The following ERFL variants were observed in gnomAD, a reference collection of about 807,000 sequenced individuals.
ERFL encodes the protein ETS domain-containing transcription factor ERF-like.
Under a neutral mutation model 27.9 loss-of-function variants are expected in ERFL, and 8 were observed. That is an observed-to-expected ratio of 0.29 (90% confidence interval 0.17 to 0.52). The LOEUF (loss-of-function observed/expected upper bound fraction) is 0.52, where lower values mean the gene tolerates loss of function less well. Ranked by LOEUF, ERFL falls within the 20% of genes least tolerant of loss-of-function variation. The probability of loss-of-function intolerance (pLI) is 0.97; values close to 1 mark genes in which losing one functional copy is unlikely to be tolerated. For synonymous variants in ERFL, 174 were observed against 202.8 expected (o/e 0.86, Z 1.21); for missense variants, 294 against 444.4 (o/e 0.66, Z 3.04).
Position 41,916,802 on chromosome 19 carries a change from TCACA to T in ERFL, c.-13-3874_-13-3871del, listed in dbSNP as rs146628376. On this transcript the variant is annotated intron_variant, in intron 1 of 5. Coordinates refer to ENST00000597630, the MANE Select transcript of ERFL (RefSeq NM_001365103.2). This position sits in a 1 kb window ranked among gnomAD's most constrained non-coding sequence, Gnocchi z 5.4. ...CACCCATTCACAGACACAGTCACAA[TCACA>T]CACACACACCAAGATCACGGACCCA... Among the ~76,000 whole-genome samples the T allele has an allele frequency of 2.6e-5, 4 of 151,060 alleles. No homozygotes were observed. Among genetic ancestry groups the T allele is most frequent in the African/African-American group, 7.3e-5 (3 of 40,952 alleles).
intron 1 of ERFL, among the ~76,000 whole-genome samples, chr19:41,919,090 C>T (rs1555852209): frequency 6.6e-6 from 1 of 151,446 alleles, no homozygotes; most frequent in African/African-American, 2.4e-5. Context: ...TACACCACAC[C>T]ACATGCCACA....
At chr19:41,925,984 G>A (rs1310668448) in intron 1 of ERFL, among the ~76,000 whole-genome samples, 3 of 152,108 alleles carry the variant, frequency 2.0e-5, no homozygotes, top group Admixed American at 6.5e-5. Flanking sequence ...GAATGTGTGT[G>A]TGAGTGTGTG....
At chr19:41,923,100 C>G (rs782818264) in intron 1 of ERFL, 3 of 455,678 alleles carry the variant, frequency 6.6e-6, no homozygotes, top group Non-Finnish European at 1.3e-5. Context: ...AGCACCCCAT[C>G]CTCACCACCA....
In ERFL at chr19:41,910,066, T is replaced by C. The variant is rs1025028431; in HGVS notation, c.99A>G (p.Pro33=). 6.3e-5 allele frequency: 101 copies of C among 1,613,220 alleles called. No homozygotes were observed. Among genetic ancestry groups the C allele is most frequent in the Non-Finnish European group, 8.4e-5 (99 of 1,179,906 alleles). Residue 33 remains proline, a synonymous_variant, in exon 3 of 6, where the codon CCA becomes CCG. Transcript: ENST00000597630. The surrounding 1 kb of genome is among the most constrained non-coding windows in gnomAD (Gnocchi z 4.4). ...GFAFPDWAYK[P]ESSPGSRQIQ... is the part of the protein sequence containing the mutation. The stretch of plus-strand genomic sequence containing the variant: ...TCTGCCTCGAGCCAGGGGATGACTC[T>C]GGCTTGTAGGCCCAATCCGGGAAGG...
At chr19:41,914,921 C>T (rs112659350) in intron 1 of ERFL, among the ~76,000 whole-genome samples, 9 of 110,450 alleles carry the variant, frequency 8.1e-5, no homozygotes, top group African/African-American at 2.5e-4. Flanking sequence ...TCCCCCTCCA[C>T]CATCTCCGTC....
Position 41,909,763 on chromosome 19 carries a change from TG to T in ERFL, c.302+99del, listed in dbSNP as rs2074741998. Reference sequence around the variant, plus strand: ...TACTCACGCACAGCCCTGTGCCTTGTGGGATCCAGCAGGAACCTGCCCCAGG... The same window carrying T: ...TACTCACGCACAGCCCTGTGCCTTGTGGATCCAGCAGGAACCTGCCCCAGG... On this transcript the variant is annotated intron_variant, in intron 3 of 5. Coordinates refer to ENST00000597630, the MANE Select transcript of ERFL (RefSeq NM_001365103.2). This position sits in a 1 kb window ranked among gnomAD's most constrained non-coding sequence, Gnocchi z 5.2. 7.6e-7 allele frequency: 1 copy of T among 1,322,776 alleles called. No individual in the cohort carries two copies. Among genetic ancestry groups the T allele is most frequent in the African/African-American group, 1.5e-5 (1 of 67,998 alleles). The allele number at this position is 1,322,776 out of a possible 1,614,324, so 81.9% of individuals were successfully genotyped here. A position where few individuals can be genotyped will look rare whatever the true frequency, so the allele number is the denominator to read the frequency against.
chr19:41,927,895 G>A (rs1555853407), intron 1 of ERFL, 145 bp downstream of exon 1: 11 of 151,822 alleles, frequency 7.2e-5, no homozygotes, highest in Non-Finnish European at 2.9e-5. Context: ...TACAGCCGGG[G>A]CGGATGACCC....
At position 41,908,835 on chromosome 19, in the gene ERFL, TC is replaced by T. The variant is rs2074734893; in HGVS notation, c.617-160del. Reference sequence around the variant, plus strand: ...TTCCCCCAACTCCATCTCCTCCCACTCCCCCACTTGTCTTCCCATTCCTTAG... The same window carrying T: ...TTCCCCCAACTCCATCTCCTCCCACTCCCCACTTGTCTTCCCATTCCTTAG... On this transcript the variant is annotated intron_variant, in intron 5 of 5. Coordinates refer to ENST00000597630, the MANE Select transcript of ERFL (RefSeq NM_001365103.2). The surrounding 1 kb of genome is among the most constrained non-coding windows in gnomAD (Gnocchi z 6.7). 8.4e-6 allele frequency among the ~76,000 whole-genome samples: 1 copy of T among 118,886 alleles called. No homozygotes were observed. Among genetic ancestry groups the T allele is most frequent in the African/African-American group, 3.3e-5 (1 of 30,248 alleles). The allele number at this position is 118,886 out of a possible 152,430, so 78.0% of individuals were successfully genotyped here.
intron 1 of ERFL, among the ~76,000 whole-genome samples, chr19:41,924,552 A>G (rs1367447205): frequency 1.3e-5 from 2 of 151,936 alleles, no homozygotes; most frequent in East Asian, 3.8e-4. Flanking sequence ...CGCCATCAGT[A>G]TATATGGGGA....
At chr19:41,915,031 C>A (rs1260270602) in intron 1 of ERFL, among the ~76,000 whole-genome samples, 2 of 105,854 alleles carry the variant, frequency 1.9e-5, no homozygotes, top group African/African-American at 4.2e-5. Context: ...CCCTGTCCCG[C>A]GTCTCTCCAG....
chr19:41,912,585 G>A (rs73550614), intron 2 of ERFL, among the ~76,000 whole-genome samples: 13,529 of 152,184 alleles, frequency 0.089, 1,922 homozygotes, highest in African/African-American at 0.3. Flanking sequence ...CGGGCCTCGG[G>A]CCCCTCCGTC....
intron 1 of ERFL, among the ~76,000 whole-genome samples, chr19:41,918,910 ACAC>A (rs2074820704): frequency 6.6e-6 from 1 of 150,440 alleles, no homozygotes; most frequent in Non-Finnish European, 1.5e-5. Flanking sequence ...TTACACACAT[ACAC>A]CACACACACA....
intron 1 of ERFL, among the ~76,000 whole-genome samples, chr19:41,925,082 G>A (rs782380130): frequency 1.3e-5 from 2 of 152,128 alleles, no homozygotes; most frequent in Non-Finnish European, 2.9e-5. Flanking sequence ...GTGGGACAGG[G>A]CTGTTTTCAG....
At chr19:41,914,464 T>G (rs557452853) in intron 1 of ERFL, among the ~76,000 whole-genome samples, 6 of 151,656 alleles carry the variant, frequency 4.0e-5, no homozygotes, top group East Asian at 3.9e-4. Flanking sequence ...CACCCCTGCT[T>G]CTTCTCCATC....
At chr19:41,912,527 C>T (rs577406063) in intron 2 of ERFL, among the ~76,000 whole-genome samples, 11 of 152,354 alleles carry the variant, frequency 7.2e-5, no homozygotes, top group Admixed American at 4.6e-4. Flanking sequence ...CTCTTTTCCC[C>T]GCAGGTCCTG....
chr19:41,925,258 G>T (rs1329684649), intron 1 of ERFL, among the ~76,000 whole-genome samples: 1 of 152,136 alleles, frequency 6.6e-6, no homozygotes, highest in Non-Finnish European at 1.5e-5. Flanking sequence ...AATGGCAGGT[G>T]CAGGGGGTTA....
In ERFL at chr19:41,921,938, C is replaced by T. The variant is rs2074844707; in HGVS notation, c.-14+6102G>A. Among the ~76,000 whole-genome samples, 1 of 143,454 alleles carries T rather than the reference C, an allele frequency of 7.0e-6. No individual in the cohort carries two copies. Among genetic ancestry groups the T allele is most frequent in the Non-Finnish European group, 1.5e-5 (1 of 65,568 alleles). The allele number at this position is 143,454 out of a possible 152,430, so 94.1% of individuals were successfully genotyped here. On this transcript the variant is annotated intron_variant, in intron 1 of 5. Transcript: ENST00000597630. The surrounding 1 kb of genome is among the most constrained non-coding windows in gnomAD (Gnocchi z 4.4). The stretch of plus-strand genomic sequence containing the variant: ...ACCCAGACCCCAGCTCCATCCTCTA[C>T]CTCTCCTCCTGGTCCTCATCCCCAA...
chr19:41,924,871 TCTGAAGGTTTCTTC>T (rs2074862478), intron 1 of ERFL, among the ~76,000 whole-genome samples: 1 of 152,062 alleles, frequency 6.6e-6, no homozygotes, highest in African/African-American at 2.4e-5. Context: ...GTGTGAGAGA[TCTGAAGGTTTCTTC>T]CTAAAGGTGT....
chr19:41,920,902 C>G (rs528794107), intron 1 of ERFL, among the ~76,000 whole-genome samples: 3 of 152,174 alleles, frequency 2.0e-5, no homozygotes, highest in South Asian at 2.1e-4. Context: ...CCCACACCCC[C>G]CTCCCTCTGT....
Sources: allele counts gnomAD v4.1 joint callset (sites outside exome capture counted in the v4.1 genomes callset), GRCh38; gene constraint gnomAD v4.1.1; non-coding constraint Gnocchi (gnomAD v3.1); transcripts MANE v1.5; gene names NCBI Gene and HGNC (gene_info 2026-07-23, HGNC 2026-07-21).